Variants in EPHX2 observed in about 807,000 individuals in gnomAD.
EPHX2 encodes epoxide hydrolase 2.
In EPHX2, 74 loss-of-function variants were observed where a neutral mutation model predicts 78.7. The observed-to-expected ratio is 0.94, with a 90% confidence interval of 0.78 to 1.14. The LOEUF (loss-of-function observed/expected upper bound fraction) is 1.14, where lower values mean the gene tolerates loss of function less well. EPHX2 is among the 50% of genes most tolerant of loss of function. The pLI is 0.00. For synonymous variants in EPHX2, 251 were observed against 255.2 expected (o/e 0.98, Z 0.16); for missense variants, 715 against 702.5 (o/e 1.02, Z -0.20).
chr8:27,533,843 C>A (rs7820028), intron 12 of EPHX2, among the ~76,000 whole-genome samples: 3,870 of 152,262 alleles, frequency 0.025, 145 homozygotes, highest in African/African-American at 0.076. Context: ...CTGCCTGGAC[C>A]TCCCGAAGTG....
chr8:27,519,484 C>T (rs139986678), intron 9 of EPHX2, among the ~76,000 whole-genome samples: 4 of 152,200 alleles, frequency 2.6e-5, no homozygotes, highest in Admixed American at 6.5e-5. Flanking sequence ...TCTTCCGTCC[C>T]CCTCCAGTAA....
chr8:27,534,793 A>G (rs965888520), intron 12 of EPHX2, among the ~76,000 whole-genome samples: 2 of 152,268 alleles, frequency 1.3e-5, no homozygotes, highest in African/African-American at 4.8e-5. Flanking sequence ...TGCTGAGAAC[A>G]GGATGAGTCC....
intron 1 of EPHX2, among the ~76,000 whole-genome samples, chr8:27,499,004 G>A (rs1813671106): frequency 6.6e-6 from 1 of 152,210 alleles, no homozygotes; most frequent in Non-Finnish European, 1.5e-5. Flanking sequence ...TGCATCTGGT[G>A]AGGGCATTTT....
chr8:27,517,542 A>C (rs1216553123), intron 8 of EPHX2, among the ~76,000 whole-genome samples: 2 of 152,232 alleles, frequency 1.3e-5, no homozygotes, highest in Non-Finnish European at 2.9e-5. Context: ...AAACATAAAG[A>C]CAGACATACT....
intron 6 of EPHX2, among the ~76,000 whole-genome samples, chr8:27,513,665 AAC>A (rs1415929154): frequency 1.3e-5 from 2 of 151,700 alleles, no homozygotes; most frequent in Non-Finnish European, 1.5e-5. Flanking sequence ...CATTTTTCTT[AAC>A]ACAGAAAAAA....
chr8:27,522,117 CT>C (rs1265006561), intron 10 of EPHX2, among the ~76,000 whole-genome samples: 3 of 138,090 alleles, frequency 2.2e-5, no homozygotes, highest in East Asian at 4.1e-4. Flanking sequence ...AGTTTTACTT[CT>C]TTTAAGATAG....
intron 6 of EPHX2, among the ~76,000 whole-genome samples, chr8:27,512,652 A>G (rs980766487): frequency 9.2e-5 from 14 of 152,256 alleles, no homozygotes; most frequent in African/African-American, 2.9e-4. Flanking sequence ...CTCATTTGTC[A>G]TTGGCCTCAT....
rs376595451 is a variant in EPHX2 at position 27,491,849 on chromosome 8, A to T, written c.101+540A>T. On this transcript the variant is annotated intron_variant, in intron 1 of 18. Coordinates refer to ENST00000521400, the MANE Select transcript of EPHX2 (RefSeq NM_001979.6). ...TATACAATATGGTTTCAGCTATGGA[A>T]AAAAGGTACATGCAGAAAAGTGCCT... Among the ~76,000 whole-genome samples, 16 of 152,314 alleles carry T rather than the reference A, an allele frequency of 1.1e-4. No homozygotes were observed. The East Asian group carries it at 2.5e-3, about 24-fold the overall frequency.
intron 5 of EPHX2, among the ~76,000 whole-genome samples, chr8:27,509,128 T>G (rs1398111678): frequency 6.6e-6 from 1 of 152,112 alleles, no homozygotes; most frequent in African/African-American, 2.4e-5. Flanking sequence ...ACAATATTTG[T>G]CTTTTTGTAA....
chr8:27,525,576 G>A, intron 12 of EPHX2, 103 bp downstream of exon 12: 1 of 1,027,850 alleles, frequency 9.7e-7, no homozygotes, highest in South Asian at 1.3e-5. Flanking sequence ...AATTTTATGT[G>A]GCATTAGTCA....
chr8:27,533,438 G>A (rs73558105), intron 12 of EPHX2, among the ~76,000 whole-genome samples: 2,216 of 152,314 alleles, frequency 0.015, 56 homozygotes, highest in African/African-American at 0.051. Flanking sequence ...CTTATCTTTT[G>A]TAGATGAAAG....
At chr8:27,495,069 T>G (rs1376488510) in intron 1 of EPHX2, among the ~76,000 whole-genome samples, 2 of 152,246 alleles carry the variant, frequency 1.3e-5, no homozygotes, top group Non-Finnish European at 2.9e-5. Context: ...TTTGATGGCT[T>G]TGGCAGTGTA....
intron 12 of EPHX2, among the ~76,000 whole-genome samples, chr8:27,535,843 C>G (rs142837316): frequency 2.6e-5 from 4 of 152,346 alleles, no homozygotes; most frequent in Non-Finnish European, 5.9e-5. Flanking sequence ...ACATGACATT[C>G]AGTGACCTGG....
chr8:27,494,955 C>A (rs1813520531), intron 1 of EPHX2, among the ~76,000 whole-genome samples: 1 of 152,208 alleles, frequency 6.6e-6, no homozygotes, highest in African/African-American at 2.4e-5. Context: ...TTGTTCCATA[C>A]CAAGGGTCCT....
chr8:27,504,641 T>C (rs1813927671), intron 3 of EPHX2, among the ~76,000 whole-genome samples: 1 of 152,134 alleles, frequency 6.6e-6, no homozygotes, highest in Non-Finnish European at 1.5e-5. Context: ...TGTCCACCCC[T>C]GAGGTGGTAG....
At chr8:27,526,751 TA>T (rs982278162) in intron 12 of EPHX2, among the ~76,000 whole-genome samples, 8 of 152,066 alleles carry the variant, frequency 5.3e-5, no homozygotes, top group Middle Eastern at 3.4e-3. Context: ...TTTAGCCCAT[TA>T]AAAAAAATTT....
At chr8:27,541,236 C>T (rs1815389874) in intron 15 of EPHX2, among the ~76,000 whole-genome samples, 1 of 152,204 alleles carries the variant, frequency 6.6e-6, no homozygotes, top group South Asian at 2.1e-4. Flanking sequence ...CAAAAGCCAA[C>T]CTAGAGGCTG....
chr8:27,540,804 C>A, intron 15 of EPHX2, 148 bp downstream of exon 15: 1 of 696,170 alleles, frequency 1.4e-6, no homozygotes, highest in Non-Finnish European at 2.4e-6. Context: ...CCTCCAGTGT[C>A]GGGAGGCTCA....
chr8:27,525,171 G>GA (rs1246597898), intron 11 of EPHX2, among the ~76,000 whole-genome samples, 191 bp from the exon 12 acceptor site: 1 of 151,236 alleles, frequency 6.6e-6, no homozygotes, highest in East Asian at 2.0e-4. Flanking sequence ...AGTTTAGTAG[G>GA]AAAAAAACCA....
Sources: gnomAD v4.1 joint callset for allele counts (sites outside exome capture counted in the v4.1 genomes callset) on GRCh38, gnomAD v4.1.1 for gene constraint, MANE v1.5 for transcripts, NCBI Gene and HGNC (gene_info 2026-07-23, HGNC 2026-07-21) for gene names.